Variants in UST observed in about 807,000 individuals in gnomAD.
The protein encoded by UST is chondroitin sulfate 2-O-sulfotransferase.
Under a neutral mutation model 45.6 loss-of-function variants are expected in UST, and 21 were observed. The observed-to-expected ratio is 0.46, with a 90% CI of 0.33 to 0.66. UST has a LOEUF of 0.66. Ranked by LOEUF, UST falls within the 30% of genes least tolerant of loss-of-function variation. The probability of loss-of-function intolerance (pLI) is 0.02; values close to 1 mark genes in which losing one functional copy is unlikely to be tolerated. For missense variants in UST, 463 were observed against 512.4 expected (o/e 0.90, Z 0.93); for synonymous variants, 215 against 200.6 (o/e 1.07, Z -0.61).
At chr6:148,761,203 C>T (rs76518035) in intron 1 of UST, among the ~76,000 whole-genome samples, 2,053 of 152,266 alleles carry the variant, frequency 0.013, 23 homozygotes, top group Middle Eastern at 0.024. Flanking sequence ...CTGGGAGCCA[C>T]GTCGATGTGG....
chr6:148,933,907 G>A (rs1343267837), intron 2 of UST, among the ~76,000 whole-genome samples: 3 of 152,312 alleles, frequency 2.0e-5, no homozygotes, highest in South Asian at 2.1e-4. Flanking sequence ...AACTGGGAAC[G>A]CCTATGGAGT....
At position 148,747,661 on chromosome 6, in the gene UST, C is replaced by A. The variant is rs779558967; in HGVS notation, c.231C>A (p.Asp77Glu). ...LSGGPPRFLL[D>E]LRQYLGNSTY... Reference sequence around the variant, plus strand: ...GGGGACCCCCTCGCTTCCTGCTCGACCTGCGGCAGTACTTGGGTAAGGAAG... The same window carrying A: ...GGGGACCCCCTCGCTTCCTGCTCGAACTGCGGCAGTACTTGGGTAAGGAAG... Residue 77 changes from aspartate to glutamate, a missense_variant, in exon 1 of 8, where the codon GAC becomes GAA. Physicochemically the swap from Asp to Glu is conservative, Grantham distance 45. Coordinates refer to ENST00000367463, the MANE Select transcript of UST (RefSeq NM_005715.3). The A allele has an allele frequency of 1.2e-6, 2 of 1,600,966 alleles. No individual in the cohort carries two copies. Among genetic ancestry groups the A allele is most frequent in the Non-Finnish European group, 1.7e-6 (2 of 1,175,202 alleles).
At chr6:148,835,174 AT>A (rs999904367) in intron 1 of UST, among the ~76,000 whole-genome samples, 123 of 152,102 alleles carry the variant, frequency 8.1e-4, no homozygotes, top group African/African-American at 2.9e-3. Flanking sequence ...AAATAATACA[AT>A]TAAAAAATTA....
chr6:148,879,578 C>G (rs1198311793), intron 1 of UST, among the ~76,000 whole-genome samples: 1 of 152,186 alleles, frequency 6.6e-6, no homozygotes, highest in Admixed American at 6.5e-5. Flanking sequence ...TTCTTAAAAG[C>G]AGGCGAGTAG....
At chr6:148,859,513 CA>C (rs569677174) in intron 1 of UST, among the ~76,000 whole-genome samples, 15 of 152,258 alleles carry the variant, frequency 9.9e-5, no homozygotes, top group African/African-American at 3.6e-4. Context: ...TCCCATTTGT[CA>C]ATTTTGGCTT....
At chr6:149,031,223 AG>A (rs745423278) in intron 7 of UST, among the ~76,000 whole-genome samples, 4,362 of 24,944 alleles carry the variant, frequency 0.17, 144 homozygotes, top group African/African-American at 0.41. Context: ...AAAAAAAAAA[AG>A]TCTAAGCTGA....
In UST at chr6:149,000,379, G is replaced by A. The variant is rs543041814; in HGVS notation, c.682-18760G>A. On this transcript the variant is annotated intron_variant, in intron 5 of 7. Transcript: ENST00000367463. ...GGAAGTAAAACTAAGACCTGATTCT[G>A]GACTCAGGACCCGGGAGTCCGGATG... is the stretch of plus-strand genomic sequence containing the variant. 2.5e-3 allele frequency among the ~76,000 whole-genome samples: 385 copies of A among 152,262 alleles called. 1 individual carries two copies. The highest frequency in any genetic ancestry group is 4.8e-3 in the Non-Finnish European group (324 of 68,016).
chr6:148,804,878 A>C (rs1777117573), intron 1 of UST, among the ~76,000 whole-genome samples: 1 of 150,548 alleles, frequency 6.6e-6, no homozygotes, highest in African/African-American at 2.4e-5. Context: ...TCATAAAATG[A>C]AAATATACTG....
At chr6:148,793,966 C>T (rs1047542088) in intron 1 of UST, among the ~76,000 whole-genome samples, 4 of 152,046 alleles carry the variant, frequency 2.6e-5, no homozygotes, top group East Asian at 1.9e-4. Flanking sequence ...TTAACATCAG[C>T]GCATATTTCT....
chr6:148,800,773 GAT>G (rs1777043493), intron 1 of UST, among the ~76,000 whole-genome samples: 1 of 133,262 alleles, frequency 7.5e-6, no homozygotes, highest in Non-Finnish European at 1.6e-5. Context: ...TTTCAGATCA[GAT>G]TTTTTTTTTT....
intron 3 of UST, among the ~76,000 whole-genome samples, chr6:148,947,540 T>C (rs988208279): frequency 2.6e-5 from 4 of 152,198 alleles, no homozygotes; most frequent in Non-Finnish European, 5.9e-5. Flanking sequence ...AGTTTTCCTT[T>C]TATTGAAGTG....
At chr6:149,027,818 C>T (rs1362493918) in intron 7 of UST, 1 of 150,536 alleles carries the variant, frequency 6.6e-6, no homozygotes, top group African/African-American at 2.5e-5. Context: ...CAGTCAAATG[C>T]TCTACCACTG....
At chr6:148,894,320 T>C (rs1221192080) in intron 2 of UST, among the ~76,000 whole-genome samples, 1 of 152,182 alleles carries the variant, frequency 6.6e-6, no homozygotes, top group Non-Finnish European at 1.5e-5. Context: ...TTAGGCTCTT[T>C]GCAGATGAAG....
intron 2 of UST, among the ~76,000 whole-genome samples, chr6:148,916,605 A>T (rs1253561553): frequency 6.6e-6 from 1 of 152,066 alleles, no homozygotes; most frequent in Non-Finnish European, 1.5e-5. Context: ...CACCCATCTG[A>T]GCTCCCGTCC....
At chr6:148,801,839 AAGTTTCC>A (rs1777062849) in intron 1 of UST, among the ~76,000 whole-genome samples, 1 of 152,150 alleles carries the variant, frequency 6.6e-6, no homozygotes, top group Admixed American at 6.5e-5. Flanking sequence ...TTTCTTGGGA[AAGTTTCC>A]AGGTTGTCAG....
chr6:148,922,777 T>TTTATTA lies in UST; in HGVS notation c.292-18490_292-18485dup, dbSNP rs529855804. Among the ~76,000 whole-genome samples, 3 of 148,982 alleles carry TTTATTA rather than the reference T, an allele frequency of 2.0e-5. No homozygotes were observed. The East Asian group carries it at 6.0e-4, about 30-fold the overall frequency. The stretch of plus-strand genomic sequence containing the variant: ...CATGAGCCACCATACCTGGCCTTCT[T>TTTATTA]TTATTATTATTATTATTTTATTTAT... On this transcript the variant is annotated intron_variant, in intron 2 of 7. Transcript: ENST00000367463.
intron 1 of UST, among the ~76,000 whole-genome samples, chr6:148,762,024 C>G: frequency 6.6e-6 from 1 of 152,160 alleles, no homozygotes. Flanking sequence ...ATTGAGGCCA[C>G]CTTGTTTTCT....
chr6:148,932,525 T>A (rs1335391671), intron 2 of UST, among the ~76,000 whole-genome samples: 3 of 152,254 alleles, frequency 2.0e-5, no homozygotes, highest in Non-Finnish European at 4.4e-5. Context: ...ATGTATATTT[T>A]TTTCATATTT....
Position 148,747,556 on chromosome 6 carries a change from C to A in UST, c.126C>A (p.Arg42=). 6.4e-7 allele frequency: 1 copy of A among 1,572,932 alleles called. No homozygotes were observed. Among genetic ancestry groups the A allele is most frequent in the Non-Finnish European group, 8.6e-7 (1 of 1,161,276 alleles). The part of the protein sequence containing the change: ...KRRVPLLPFL[R]FSLRDYGFCM... ...GGGTGCCCCTGCTGCCTTTCCTGCG[C>A]TTCTCCCTCCGGGACTACGGCTTCT... Residue 42 remains arginine, a synonymous_variant, in exon 1 of 8, where the codon CGC becomes CGA. Coordinates refer to ENST00000367463, the MANE Select transcript of UST (RefSeq NM_005715.3).
Sources: allele counts gnomAD v4.1 joint callset (sites outside exome capture counted in the v4.1 genomes callset), GRCh38; gene constraint gnomAD v4.1.1; transcripts MANE v1.5; gene names NCBI Gene and HGNC (gene_info 2026-07-23, HGNC 2026-07-21).